PSD3: variants seen among roughly 807,000 people sequenced by gnomAD.
The protein encoded by PSD3 is pleckstrin and Sec7 domain containing 3.
A neutral mutation model predicts 105.5 loss-of-function variants in PSD3; 49 were observed. The observed-to-expected ratio is 0.46, with a 90% CI of 0.37 to 0.59. The LOEUF is 0.59. Among genes scored for constraint, PSD3 ranks in the 20% least tolerant of loss-of-function variants. PSD3 has a pLI of 0.00. For missense variants in PSD3, 1,561 were observed against 1,263.8 expected, an observed-to-expected ratio of 1.24 and a Z score of -3.57; for synonymous variants, 557 against 457.8, an observed-to-expected ratio of 1.22 and a Z score of -2.77.
chr8:18,930,589 G>C (rs1308491270), intron 2 of PSD3, among the ~76,000 whole-genome samples: 1 of 73,946 alleles, frequency 1.4e-5, no homozygotes, highest in Non-Finnish European at 2.8e-5. Flanking sequence ...TTTTTTTTTT[G>C]AGATGGAGTC....
intron 9 of PSD3, among the ~76,000 whole-genome samples, chr8:18,666,089 C>T (rs1228970138): frequency 3.9e-5 from 6 of 152,206 alleles, no homozygotes; most frequent in South Asian, 2.1e-4. Context: ...TTGTGTGTCA[C>T]CCAGGCTGGA....
intron 14 of PSD3, 46 bp from the exon 15 acceptor site, chr8:18,556,398 T>C (rs769547317): frequency 6.9e-7 from 1 of 1,445,608 alleles, no homozygotes; most frequent in Non-Finnish European, 9.6e-7. Flanking sequence ...AAAAAACAAG[T>C]CAATAACAAA....
chr8:19,047,465 C>G (rs1828361107), intron 1 of PSD3, among the ~76,000 whole-genome samples: 1 of 152,148 alleles, frequency 6.6e-6, no homozygotes, highest in Admixed American at 6.6e-5. Flanking sequence ...CACTCTCTTC[C>G]TGCAGCCTTC....
At chr8:19,024,502 G>C (rs1199985384) in intron 1 of PSD3, among the ~76,000 whole-genome samples, 3 of 152,142 alleles carry the variant, frequency 2.0e-5, no homozygotes, top group African/African-American at 7.2e-5. Context: ...TTTGGTCTTT[G>C]TCCTGGTTTC....
At chr8:18,714,388 G>T (rs966200671) in intron 9 of PSD3, among the ~76,000 whole-genome samples, 2 of 150,234 alleles carry the variant, frequency 1.3e-5, no homozygotes, top group South Asian at 2.1e-4. Context: ...TTTGACAAAG[G>T]TCTGATATCC....
intron 8 of PSD3, among the ~76,000 whole-genome samples, chr8:18,771,073 C>A (rs987424511): frequency 6.6e-6 from 1 of 152,210 alleles, no homozygotes; most frequent in African/African-American, 2.4e-5. Flanking sequence ...AGTCAAGCCA[C>A]TTCTCTCTGA....
At chr8:18,905,134 G>A (rs1586381009) in intron 2 of PSD3, among the ~76,000 whole-genome samples, 1 of 152,288 alleles carries the variant, frequency 6.6e-6, no homozygotes, top group East Asian at 1.9e-4. Context: ...AAGAATCCAA[G>A]CTGTTAACCA....
intron 7 of PSD3, 124 bp from the exon 8 acceptor site, chr8:18,799,477 C>T: frequency 2.7e-6 from 2 of 739,094 alleles, no homozygotes; most frequent in Non-Finnish European, 4.5e-6. Context: ...ACAATTAGTC[C>T]TGTTTTAAGA....
chr8:18,935,997 T>G (rs890828076), intron 2 of PSD3, 37 bp downstream of exon 2: 10 of 1,345,134 alleles, frequency 7.4e-6, no homozygotes, highest in Non-Finnish European at 1.1e-5. Flanking sequence ...GCTCTTCATA[T>G]AGTTTACCTG....
chr8:18,573,730 C>A (rs946556344), intron 13 of PSD3, among the ~76,000 whole-genome samples: 1 of 152,092 alleles, frequency 6.6e-6, no homozygotes, highest in Non-Finnish European at 1.5e-5. Flanking sequence ...TATGAAGTGT[C>A]CAGAAAGGGC....
chr8:18,879,036 A>T (rs1228064097), intron 2 of PSD3, among the ~76,000 whole-genome samples: 3 of 146,454 alleles, frequency 2.0e-5, no homozygotes, highest in Non-Finnish European at 4.5e-5. Flanking sequence ...ACAAACAAAC[A>T]AACACACACA....
At chr8:18,678,654 A>G (rs904126591) in intron 9 of PSD3, among the ~76,000 whole-genome samples, 7 of 151,740 alleles carry the variant, frequency 4.6e-5, no homozygotes, top group Non-Finnish European at 7.4e-5. Flanking sequence ...ACTATTAAAA[A>G]TACAAAATTA....
At chr8:18,778,671 T>C (rs1488342938) in intron 8 of PSD3, among the ~76,000 whole-genome samples, 1 of 151,972 alleles carries the variant, frequency 6.6e-6, no homozygotes, top group Admixed American at 6.6e-5. Context: ...TGTTGAATTT[T>C]ATGAAACCCT....
At chr8:18,837,647 A>G (rs905074989) in intron 4 of PSD3, among the ~76,000 whole-genome samples, 6 of 152,184 alleles carry the variant, frequency 3.9e-5, no homozygotes, top group Non-Finnish European at 8.8e-5. Context: ...CTAAACTCTA[A>G]AAGTACTCTA....
At chr8:18,853,230 C>T (rs186546416) in intron 4 of PSD3, among the ~76,000 whole-genome samples, 3 of 152,082 alleles carry the variant, frequency 2.0e-5, no homozygotes, top group Non-Finnish European at 4.4e-5. Flanking sequence ...TATAAAAATA[C>T]TGGAAATAGG....
chr8:18,771,819 T>C (rs1207651166), intron 8 of PSD3, among the ~76,000 whole-genome samples: 1 of 152,268 alleles, frequency 6.6e-6, no homozygotes, highest in East Asian at 1.9e-4. Flanking sequence ...CACACTGTTG[T>C]GGAACAGAAT....
In PSD3 at chr8:19,034,712, A is replaced by C. The variant is rs552801129; in HGVS notation, c.324+49494T>G. On this transcript the variant is annotated intron_variant, in intron 1 of 1. Coordinates refer to the PSD3 transcript ENST00000521475. Reference sequence around the variant, plus strand: ...AGGGACAGAGTCTGGATTTGGGCCCAGTCTTTTTGACTCCAGACGAGGCCT... The same window carrying C: ...AGGGACAGAGTCTGGATTTGGGCCCCGTCTTTTTGACTCCAGACGAGGCCT... Among the ~76,000 whole-genome samples, 4 of 152,216 alleles carry C rather than the reference A, an allele frequency of 2.6e-5. No individual in the cohort carries two copies. In the South Asian group the frequency reaches 8.3e-4, roughly 32 times the overall value.
At chr8:18,812,662 G>C (rs1811795336) in intron 4 of PSD3, among the ~76,000 whole-genome samples, 1 of 152,146 alleles carries the variant, frequency 6.6e-6, no homozygotes, top group Non-Finnish European at 1.5e-5. Context: ...AAAGACCAAA[G>C]TTAACACAGG....
intron 9 of PSD3, chr8:18,732,774 A>G (rs2410587): frequency 0.82 from 125,429 of 152,176 alleles, 52,565 homozygotes; most frequent in Non-Finnish European, 0.91. Context: ...ATGGAACAAC[A>G]TGTTCGTGCA....
Sources: gnomAD v4.1 joint callset for allele counts (sites outside exome capture counted in the v4.1 genomes callset) on GRCh38, gnomAD v4.1.1 for gene constraint, MANE v1.5 for transcripts, NCBI Gene and HGNC (gene_info 2026-07-23, HGNC 2026-07-21) for gene names.